ZBTB20: variants seen among roughly 807,000 people sequenced by gnomAD.
ZBTB20 encodes zinc finger and BTB domain containing 20.
A neutral mutation model predicts 56.9 loss-of-function variants in ZBTB20; 9 were observed. The observed-to-expected ratio is 0.16, with a 90% CI of 0.10 to 0.28. ZBTB20 has a LOEUF of 0.28. ZBTB20 is among the 10% of genes least tolerant of loss of function. The pLI, the probability that ZBTB20 is intolerant of heterozygous loss-of-function variation, is 1.00. For missense variants in ZBTB20, 655 were observed against 1,003.0 expected, an observed-to-expected ratio of 0.65 and a Z score of 4.69; for synonymous variants, 417 against 420.7, an observed-to-expected ratio of 0.99 and a Z score of 0.11.
chr3:114,592,681 A>G (rs1057384144), intron 6 of ZBTB20, among the ~76,000 whole-genome samples: 1 of 152,274 alleles, frequency 6.6e-6, no homozygotes, highest in Non-Finnish European at 1.5e-5. Flanking sequence ...GAATACAAAC[A>G]TAACAATGTT....
At chr3:115,116,743 A>AAAAAGAGAGC (rs1459228827) in intron 1 of ZBTB20, among the ~76,000 whole-genome samples, 1 of 152,184 alleles carries the variant, frequency 6.6e-6, no homozygotes, top group South Asian at 2.1e-4. Flanking sequence ...AGAGAGAAAG[A>AAAAAGAGAGC]AAAAGAGAGC....
chr3:114,420,811 AC>A (rs1236018202), intron 7 of ZBTB20, among the ~76,000 whole-genome samples: 1 of 152,154 alleles, frequency 6.6e-6, no homozygotes, highest in African/African-American at 2.4e-5. Flanking sequence ...GGTGGAAGTC[AC>A]TATTAGACTC....
At chr3:114,958,513 C>A (rs72960333) in intron 3 of ZBTB20, among the ~76,000 whole-genome samples, 4 of 152,034 alleles carry the variant, frequency 2.6e-5, no homozygotes, top group Non-Finnish European at 5.9e-5. Flanking sequence ...CTTTTTCTTA[C>A]GGATTTAAAA....
chr3:114,586,050 G>A (rs1454899405), intron 6 of ZBTB20, among the ~76,000 whole-genome samples: 1 of 152,184 alleles, frequency 6.6e-6, no homozygotes, highest in East Asian at 1.9e-4. Flanking sequence ...TGTGCAACTG[G>A]TGCGCTCCTG....
chr3:114,380,994 A>C, intron 8 of ZBTB20, 54 bp from the exon 9 acceptor site: 1 of 368,734 alleles, frequency 2.7e-6, no homozygotes, highest in Non-Finnish European at 4.9e-6. Flanking sequence ...TCCAACTTTA[A>C]ATTTCTACTC....
intron 5 of ZBTB20, among the ~76,000 whole-genome samples, chr3:114,743,198 TA>T (rs2066753776): frequency 6.6e-6 from 1 of 152,122 alleles, no homozygotes. Context: ...AAGGGAAGTA[TA>T]AAGCTGGCCT....
chr3:115,112,209 T>C (rs974633664), intron 1 of ZBTB20, among the ~76,000 whole-genome samples: 2 of 152,332 alleles, frequency 1.3e-5, no homozygotes, highest in East Asian at 3.9e-4. Flanking sequence ...TACATATTTA[T>C]GGGGTATATG....
chr3:114,583,846 T>C (rs1193245591), intron 6 of ZBTB20, among the ~76,000 whole-genome samples: 1 of 152,222 alleles, frequency 6.6e-6, no homozygotes, highest in Admixed American at 6.5e-5. Flanking sequence ...ACTGTCTTTG[T>C]TTAAAATAAA....
At chr3:114,345,410 C>T (rs762260060) in intron 11 of ZBTB20, among the ~76,000 whole-genome samples, 55 of 152,170 alleles carry the variant, frequency 3.6e-4, no homozygotes, top group African/African-American at 1.3e-3. Flanking sequence ...GCCATGTGAC[C>T]TATGTAATTT....
chr3:115,011,004 G>T (rs2079680199), intron 2 of ZBTB20, among the ~76,000 whole-genome samples: 1 of 151,636 alleles, frequency 6.6e-6, no homozygotes, highest in Non-Finnish European at 1.5e-5. Context: ...CATACAATTG[G>T]CCTACTAAAG....
chr3:114,360,692 A>C (rs1479546931), intron 10 of ZBTB20, among the ~76,000 whole-genome samples: 3 of 152,110 alleles, frequency 2.0e-5, no homozygotes, highest in Admixed American at 2.0e-4. Flanking sequence ...AAGTTCACTG[A>C]GGAGTAAAGA....
intron 6 of ZBTB20, among the ~76,000 whole-genome samples, chr3:114,563,410 T>C (rs60950140): frequency 0.032 from 4,873 of 152,242 alleles, 274 homozygotes; most frequent in African/African-American, 0.11. Context: ...CGGTAAAAAT[T>C]TTAATCTTAG....
At chr3:114,839,405 C>CAAAGAA (rs1197622355) in intron 4 of ZBTB20, among the ~76,000 whole-genome samples, 2 of 21,902 alleles carry the variant, frequency 9.1e-5, no homozygotes, top group African/African-American at 2.0e-4. Context: ...GAGAGCCTGT[C>CAAAGAA]TGAAAGAAAG....
intron 7 of ZBTB20, among the ~76,000 whole-genome samples, chr3:114,454,388 C>T (rs1461502884): frequency 6.6e-6 from 1 of 151,728 alleles, no homozygotes; most frequent in East Asian, 1.9e-4. Context: ...CATACTCTTT[C>T]CCACCCCCCG....
intron 7 of ZBTB20, among the ~76,000 whole-genome samples, chr3:114,468,111 A>C (rs1001513955): frequency 6.6e-6 from 1 of 152,218 alleles, no homozygotes; most frequent in Non-Finnish European, 1.5e-5. Flanking sequence ...AAGGTGCTTT[A>C]GAAGAACAAA....
At chr3:114,878,785 C>T (rs573363398) in intron 4 of ZBTB20, among the ~76,000 whole-genome samples, 34 of 152,092 alleles carry the variant, frequency 2.2e-4, no homozygotes, top group African/African-American at 6.5e-4. Flanking sequence ...TGAAAACACA[C>T]AAAATAACTA....
chr3:114,697,173 CT>C (rs1179846249), intron 5 of ZBTB20, among the ~76,000 whole-genome samples: 1 of 151,090 alleles, frequency 6.6e-6, no homozygotes, highest in Non-Finnish European at 1.5e-5. Context: ...ATATAACTGG[CT>C]TTTTTACATA....
rs567735900 is a variant in ZBTB20 at position 114,342,616 on chromosome 3, CT to C, written c.1805-3191del. On this transcript the variant is annotated intron_variant, in intron 11 of 11. Transcript: ENST00000675478. Reference sequence around the variant, plus strand: ...AACTTGAGAATAATATAGTAAGTACCTGTCTCGTGAAGGCGTTTTGAAAATT... The same window carrying C: ...AACTTGAGAATAATATAGTAAGTACCGTCTCGTGAAGGCGTTTTGAAAATT... Among the ~76,000 whole-genome samples, 22 of 152,242 alleles carry C rather than the reference CT, an allele frequency of 1.4e-4. No individual in the cohort carries two copies. In the East Asian group the frequency reaches 4.2e-3, roughly 29 times the overall value.
Position 114,337,905 on chromosome 3 carries a change from C to T in ZBTB20, c.*1100G>A, listed in dbSNP as rs926538002. The T allele has an allele frequency of 3.3e-5, 5 of 150,074 alleles. No individual in the cohort carries two copies. The highest frequency in any genetic ancestry group is 1.2e-4 in the African/African-American group (5 of 40,812). The allele number at this position is 150,074 out of a possible 1,614,324, so 9.3% of individuals were successfully genotyped here. A position where few individuals can be genotyped will look rare whatever the true frequency, so the allele number is the denominator to read the frequency against. Reference sequence around the variant, plus strand: ...AAAAAAATTACTTTTAACAATTTCACTTTTTTTGTTTTTTTTTTTACACAA... The same window carrying T: ...AAAAAAATTACTTTTAACAATTTCATTTTTTTTGTTTTTTTTTTTACACAA... On this transcript the variant is annotated 3_prime_UTR_variant, in exon 12 of 12. Transcript: ENST00000675478.
Sources: allele counts gnomAD v4.1 joint callset (sites outside exome capture counted in the v4.1 genomes callset), GRCh38; gene constraint gnomAD v4.1.1; transcripts MANE v1.5; gene names NCBI Gene and HGNC (gene_info 2026-07-23, HGNC 2026-07-21).